Variants in BBS9 observed in about 807,000 individuals in gnomAD.
BBS9 encodes the protein protein PTHB1.
Under a neutral mutation model 117.7 loss-of-function variants are expected in BBS9, and 89 were observed. The observed-to-expected ratio is 0.76, with a 90% confidence interval of 0.64 to 0.90. The LOEUF is 0.90. BBS9 is among the 40% of genes least tolerant of loss of function. BBS9 has a pLI of 0.00. For missense variants in BBS9, 982 were observed against 1,042.2 expected (o/e 0.94, Z 0.80); for synonymous variants, 379 against 370.9 (o/e 1.02, Z -0.25).
intron 21 of BBS9, among the ~76,000 whole-genome samples, chr7:33,591,418 G>A (rs1861900705): frequency 6.6e-6 from 1 of 152,024 alleles, no homozygotes; most frequent in African/African-American, 2.4e-5. Flanking sequence ...TAGAGATGAG[G>A]TGTGAACTAA....
intron 21 of BBS9, among the ~76,000 whole-genome samples, chr7:33,579,133 A>G (rs1174406938): frequency 6.6e-6 from 1 of 152,146 alleles, no homozygotes; most frequent in Non-Finnish European, 1.5e-5. Flanking sequence ...GGGCATTCCT[A>G]TTTGAAATCC....
intron 21 of BBS9, among the ~76,000 whole-genome samples, chr7:33,603,301 C>T (rs1446326731): frequency 1.3e-5 from 2 of 151,972 alleles, no homozygotes; most frequent in Non-Finnish European, 2.9e-5. Flanking sequence ...TCTTTCTGCT[C>T]TTCCCTGTCA....
intron 9 of BBS9, among the ~76,000 whole-genome samples, chr7:33,320,782 T>C (rs978665174): frequency 6.6e-6 from 1 of 152,122 alleles, no homozygotes; most frequent in African/African-American, 2.4e-5. Flanking sequence ...TAAAAGCCAT[T>C]TTAACTGAGG....
At chr7:33,427,676 T>TAC (rs748857909) in intron 19 of BBS9, among the ~76,000 whole-genome samples, 2 of 152,210 alleles carry the variant, frequency 1.3e-5, no homozygotes, top group East Asian at 3.8e-4. Context: ...CTTGGCAGTT[T>TAC]ACACGGGTTT....
chr7:33,544,297 C>T (rs1329911159), intron 21 of BBS9, among the ~76,000 whole-genome samples: 4 of 152,102 alleles, frequency 2.6e-5, no homozygotes, highest in Non-Finnish European at 2.9e-5. Context: ...TGTTGGTTTT[C>T]TGGTTCCTTC....
intron 5 of BBS9, among the ~76,000 whole-genome samples, chr7:33,251,817 A>C (rs1451448883): frequency 6.6e-6 from 1 of 152,226 alleles, no homozygotes; most frequent in Non-Finnish European, 1.5e-5. Flanking sequence ...AGCTGGACTC[A>C]AACCTAGATT....
chr7:33,493,589 C>T (rs1204865946), intron 19 of BBS9, among the ~76,000 whole-genome samples: 1 of 152,176 alleles, frequency 6.6e-6, no homozygotes, highest in Non-Finnish European at 1.5e-5. Context: ...ATTCATATGG[C>T]TTATTCTGCA....
At chr7:33,485,882 T>A (rs990184309) in intron 19 of BBS9, among the ~76,000 whole-genome samples, 6 of 152,184 alleles carry the variant, frequency 3.9e-5, no homozygotes, top group African/African-American at 1.4e-4. Context: ...GCTGGTCACC[T>A]CAATTAAAGA....
At chr7:33,405,297 A>G (rs1390559274) in intron 19 of BBS9, among the ~76,000 whole-genome samples, 1 of 152,136 alleles carries the variant, frequency 6.6e-6, no homozygotes, top group Non-Finnish European at 1.5e-5. Flanking sequence ...ATATTGGTCT[A>G]AAATTCTCTT....
chr7:33,138,423 C>T (rs1790897830), intron 1 of BBS9, among the ~76,000 whole-genome samples: 2 of 151,180 alleles, frequency 1.3e-5, no homozygotes, highest in African/African-American at 4.8e-5. Flanking sequence ...AGTGCCTCTT[C>T]AACCTTAAGG....
At chr7:33,281,236 A>G (rs1303905184) in intron 9 of BBS9, among the ~76,000 whole-genome samples, 1 of 151,280 alleles carries the variant, frequency 6.6e-6, no homozygotes, top group Non-Finnish European at 1.5e-5. Context: ...TTTTTTGGTG[A>G]GTTAAAAAAA....
intron 19 of BBS9, among the ~76,000 whole-genome samples, chr7:33,467,205 A>T (rs560906958): frequency 6.6e-6 from 1 of 152,108 alleles, no homozygotes; most frequent in Non-Finnish European, 1.5e-5. Flanking sequence ...TCTGGGGGGA[A>T]ACATTGCATG....
intron 9 of BBS9, among the ~76,000 whole-genome samples, chr7:33,321,934 A>G (rs1811810861): frequency 6.6e-6 from 1 of 151,796 alleles, no homozygotes; most frequent in Non-Finnish European, 1.5e-5. Flanking sequence ...TCATGAAAGG[A>G]TGTTGAATTT....
chr7:33,324,180 C>T (rs13238407), intron 9 of BBS9, among the ~76,000 whole-genome samples: 25,288 of 152,038 alleles, frequency 0.17, 2,345 homozygotes, highest in South Asian at 0.21. Flanking sequence ...TCTGGTGGTA[C>T]ATTTTAATTT....
intron 17 of BBS9, among the ~76,000 whole-genome samples, chr7:33,376,360 A>C (rs1428784845): frequency 6.6e-6 from 1 of 152,170 alleles, no homozygotes; most frequent in Non-Finnish European, 1.5e-5. Context: ...ATGTTTCTGC[A>C]AAGGACATGA....
rs932649013 is a variant in BBS9, at chr7:33,141,178, T to C, written c.-11-5064T>C. Among the ~76,000 whole-genome samples the C allele has an allele frequency of 3.9e-5, 6 of 151,958 alleles. No homozygotes were observed. In the East Asian group the frequency reaches 1.2e-3, roughly 29 times the overall value. ...TGGTTCACGCCTATAATTCCACCAC[T>C]TTGGGAGGCCGAGATGGGTGGATTG... On this transcript the variant is annotated intron_variant, in intron 1 of 22. Transcript: ENST00000242067.
intron 19 of BBS9, among the ~76,000 whole-genome samples, chr7:33,417,091 C>A (rs1832131490): frequency 6.6e-6 from 1 of 152,192 alleles, no homozygotes; most frequent in South Asian, 2.1e-4. Context: ...CTACAATAGA[C>A]ACTACGTTTT....
At chr7:33,357,178 A>G (rs1003517120) in intron 15 of BBS9, among the ~76,000 whole-genome samples, 13 of 151,882 alleles carry the variant, frequency 8.6e-5, no homozygotes, top group Non-Finnish European at 1.5e-4. Flanking sequence ...ATGTATGAGT[A>G]TTAAAATCAT....
chr7:33,524,743 T>C (rs536866534), intron 20 of BBS9, among the ~76,000 whole-genome samples: 2 of 152,346 alleles, frequency 1.3e-5, no homozygotes, highest in South Asian at 4.1e-4. Flanking sequence ...TGTGTCTCTA[T>C]TTCCTTCAGT....
Sources: allele counts gnomAD v4.1 joint callset (sites outside exome capture counted in the v4.1 genomes callset), GRCh38; gene constraint gnomAD v4.1.1; transcripts MANE v1.5; gene names NCBI Gene and HGNC (gene_info 2026-07-23, HGNC 2026-07-21).